TRPV3: variants seen among roughly 807,000 people sequenced by gnomAD.
TRPV3 encodes the protein transient receptor potential cation channel subfamily V member 3, also known as VRL-3.
In TRPV3, 88 loss-of-function variants were observed where a neutral mutation model predicts 87.1. The ratio of observed to expected loss-of-function variants is 1.01; its 90% CI spans 0.85 to 1.21. TRPV3 has a LOEUF of 1.21. Among genes scored for constraint, TRPV3 ranks in the 50% most tolerant of loss-of-function variants. The pLI, the probability that TRPV3 is intolerant of heterozygous loss-of-function variation, is 0.00. For missense variants in TRPV3, 1,054 were observed against 1,030.1 expected (o/e 1.02, Z -0.32); for synonymous variants, 438 against 423.3 (o/e 1.03, Z -0.43).
rs141628122 is a variant in TRPV3 at position 3,516,591 on chromosome 17, A to C, written c.2086-22T>G. The C allele has an allele frequency of 1.2e-3, 1,873 of 1,575,062 alleles. 25 individuals are homozygous for C. In the African/African-American group the frequency reaches 0.022, roughly 19 times the overall value. ...CTCTCTGGGGACATAAGCAAGTCTA[A>C]GGAGTAGGCATCCACACTCACAAGC... is the stretch of plus-strand genomic sequence containing the variant. On this transcript the variant is annotated intron_variant, in intron 15 of 17. Coordinates refer to ENST00000576742, the MANE Select transcript of TRPV3 (RefSeq NM_145068.4).
chr17:3,548,348 G>A (rs562387711), intron 2 of TRPV3, among the ~76,000 whole-genome samples: 1 of 152,212 alleles, frequency 6.6e-6, no homozygotes, highest in Non-Finnish European at 1.5e-5. Flanking sequence ...ACCCCCCAGG[G>A]TAAAAGTCAA....
At chr17:3,554,923 C>T (rs2074613336) in intron 1 of TRPV3, 71 bp from the exon 2 acceptor site, 2 of 904,302 alleles carry the variant, frequency 2.2e-6, no homozygotes, top group Non-Finnish European at 1.7e-6. Flanking sequence ...TTAGGGGCCC[C>T]ATGTGGCTGC....
rs1327517114 is a variant in TRPV3, at chr17:3,542,526, A to G, written c.639T>C (p.Tyr213=). 3.5e-5 allele frequency: 57 copies of G among 1,613,264 alleles called. No homozygotes were observed. The highest frequency in any genetic ancestry group is 4.6e-5 in the Non-Finnish European group (54 of 1,179,598). Residue 213 remains tyrosine, a synonymous_variant, in exon 6 of 18, where the codon TAT becomes TAC. Coordinates refer to ENST00000576742, the MANE Select transcript of TRPV3 (RefSeq NM_145068.4). ...GCCCCTCTGCAGGCAGGATACCTTCATAGGCCTCCTCTGTGTACTCGGCGT... is the reference window on the plus strand; with the variant it reads ...GCCCCTCTGCAGGCAGGATACCTTCGTAGGCCTCCTCTGTGTACTCGGCGT... ...FINAEYTEEA[Y]EGQTALNIAI...
At chr17:3,517,269 C>T (rs1022619077) in intron 15 of TRPV3, among the ~76,000 whole-genome samples, 5 of 151,936 alleles carry the variant, frequency 3.3e-5, no homozygotes, top group Non-Finnish European at 7.4e-5. Flanking sequence ...AATCTCTCTG[C>T]AGTTTCCTGG....
rs756601062 is a variant in TRPV3, at chr17:3,530,352, G to C, written c.1066-149C>G. On this transcript the variant is annotated intron_variant, in intron 8 of 17. Transcript: ENST00000576742. The surrounding 1 kb of genome is among the most constrained non-coding windows in gnomAD (Gnocchi z 4.0). ...TCTGCGCCTGGCGCCATGGCCCCTG[G>C]GCCCCGTCTTTATCTGTGGAATGCG... 3.1e-5 allele frequency: 22 copies of C among 702,130 alleles called. No homozygotes were observed. Among genetic ancestry groups the C allele is most frequent in the Non-Finnish European group, 4.8e-5 (21 of 438,822 alleles). The allele number at this position is 702,130 out of a possible 1,614,324, so 43.5% of individuals were successfully genotyped here.
Position 3,530,596 on chromosome 17 carries a change from G to A in TRPV3, c.1066-393C>T, listed in dbSNP as rs566372305. 5.6e-4 allele frequency among the ~76,000 whole-genome samples: 85 copies of A among 152,216 alleles called. 1 individual carries two copies. Among genetic ancestry groups the A allele is most frequent in the Admixed American group, 2.0e-4 (3 of 15,288 alleles). On this transcript the variant is annotated intron_variant, in intron 8 of 17. Transcript: ENST00000576742. This position sits in a 1 kb window ranked among gnomAD's most constrained non-coding sequence, Gnocchi z 4.0. ...AGAAGAAGCCAGAAGTGTTCTCAGC[G>A]TCCCCAGCCCACCCTAAGCCAAGAC...
intron 7 of TRPV3, among the ~76,000 whole-genome samples, chr17:3,533,247 T>G (rs2150792542): frequency 6.6e-6 from 1 of 152,260 alleles, no homozygotes; most frequent in South Asian, 2.1e-4. Context: ...CTGCATACTC[T>G]GACCTCCTCT....
intron 7 of TRPV3, among the ~76,000 whole-genome samples, chr17:3,534,183 C>T (rs939244181): frequency 4.6e-5 from 7 of 152,078 alleles, no homozygotes; most frequent in African/African-American, 1.4e-4. Context: ...GACAAGACCC[C>T]GTTTTCCAGG....
chr17:3,536,170 G>C (rs773450755), intron 6 of TRPV3, among the ~76,000 whole-genome samples: 4 of 152,218 alleles, frequency 2.6e-5, no homozygotes, highest in Non-Finnish European at 5.9e-5. Flanking sequence ...CAAGAGGGCA[G>C]AGCTTGTGCT....
chr17:3,546,559 T>G (rs1482600736), intron 2 of TRPV3: 1 of 435,378 alleles, frequency 2.3e-6, no homozygotes, highest in Admixed American at 2.4e-5. Flanking sequence ...TCCTGTAGTG[T>G]CAATTAGCTG....
Position 3,513,807 on chromosome 17 carries a change from A to T in TRPV3, c.*110T>A. The T allele has an allele frequency of 2.2e-6, 2 of 904,134 alleles. No homozygotes were observed. Among genetic ancestry groups the T allele is most frequent in the Non-Finnish European group, 3.5e-6 (2 of 567,004 alleles). The allele number at this position is 904,134 out of a possible 1,614,324, so 56.0% of individuals were successfully genotyped here. Reference sequence around the variant, plus strand: ...GAGCACGAGGGTGCACTCTGCTTCTAGGCCAGCAGAGCCGGACTCCACCAT... The same window carrying T: ...GAGCACGAGGGTGCACTCTGCTTCTTGGCCAGCAGAGCCGGACTCCACCAT... On this transcript the variant is annotated 3_prime_UTR_variant, in exon 18 of 18. Transcript: ENST00000576742.
chr17:3,522,978 T>G (rs1306296360), intron 13 of TRPV3, among the ~76,000 whole-genome samples: 9 of 150,978 alleles, frequency 6.0e-5, no homozygotes, highest in Admixed American at 5.9e-4. Context: ...CTATCTGCAG[T>G]TTCAGGCATT....
chr17:3,537,356 A>T lies in TRPV3; in HGVS notation c.644-1643T>A, dbSNP rs971682485. On this transcript the variant is annotated intron_variant, in intron 6 of 17. Coordinates refer to ENST00000576742, the MANE Select transcript of TRPV3 (RefSeq NM_145068.4). ...ACGTGATGGTCCTATTTTATGTTAG[A>T]TAAGTAAATAAAACTATTTCTGTGT... 7.4e-5 allele frequency among the ~76,000 whole-genome samples: 3 copies of T among 40,516 alleles called. No individual in the cohort carries two copies. In the Admixed American group the frequency reaches 1.3e-3, roughly 18 times the overall value. 26.6% of individuals were successfully genotyped at this position (40,516 alleles called of 152,430 possible).
At chr17:3,537,572 G>A (rs1384923009) in intron 6 of TRPV3, among the ~76,000 whole-genome samples, 1 of 152,152 alleles carries the variant, frequency 6.6e-6, no homozygotes, top group African/African-American at 2.4e-5. Flanking sequence ...AAAGACAAGT[G>A]ATAGGCTGGG....
chr17:3,551,458 AG>A (rs2074572812), intron 2 of TRPV3, among the ~76,000 whole-genome samples: 1 of 152,214 alleles, frequency 6.6e-6, no homozygotes, highest in Admixed American at 6.5e-5. Context: ...TCCAGACCAA[AG>A]GGCACCAGCT....
chr17:3,554,391 A>C (rs1597495656), intron 2 of TRPV3: 2 of 223,822 alleles, frequency 8.9e-6, no homozygotes, highest in Middle Eastern at 1.4e-3. Context: ...GTCACCTGGA[A>C]CTTCCAGCCA....
At chr17:3,517,555 T>G (rs9906300) in intron 15 of TRPV3, among the ~76,000 whole-genome samples, 86,975 of 148,372 alleles carry the variant, frequency 0.59, 26,226 homozygotes, top group East Asian at 0.95. Flanking sequence ...GGAGGCAGAG[T>G]TTGCAGTGAG....
chr17:3,515,553 G>A (rs187113925), intron 16 of TRPV3, among the ~76,000 whole-genome samples: 102 of 152,040 alleles, frequency 6.7e-4, no homozygotes, highest in African/African-American at 2.3e-3. Context: ...CCCAGCTACC[G>A]GGGAGGCTGA....
At chr17:3,537,966 A>G (rs1311184450) in intron 6 of TRPV3, among the ~76,000 whole-genome samples, 1 of 150,134 alleles carries the variant, frequency 6.7e-6, no homozygotes, top group East Asian at 2.0e-4. Context: ...TGGGAGGCTG[A>G]GGCGGGCAGA....
Sources: allele counts gnomAD v4.1 joint callset (sites outside exome capture counted in the v4.1 genomes callset), GRCh38; gene constraint gnomAD v4.1.1; non-coding constraint Gnocchi (gnomAD v3.1); transcripts MANE v1.5; gene names NCBI Gene and HGNC (gene_info 2026-07-23, HGNC 2026-07-21).